Variants in GRID1 observed in about 807,000 individuals in gnomAD.
The protein encoded by GRID1 is glutamate receptor ionotropic, delta-1.
Under a neutral mutation model 98.0 loss-of-function variants are expected in GRID1, and 28 were observed. The ratio of observed to expected loss-of-function variants is 0.29; its 90% CI spans 0.21 to 0.39. The LOEUF (loss-of-function observed/expected upper bound fraction) is 0.39, where lower values mean the gene tolerates loss of function less well. Ranked by LOEUF, GRID1 falls within the 10% of genes least tolerant of loss-of-function variation. GRID1 has a pLI of 1.00. For missense variants in GRID1, 1,111 were observed against 1,340.5 expected (o/e 0.83, Z 2.67); for synonymous variants, 553 against 538.5 (o/e 1.03, Z -0.37).
At chr10:85,990,351 T>G (rs1029217849) in intron 4 of GRID1, among the ~76,000 whole-genome samples, 2 of 152,170 alleles carry the variant, frequency 1.3e-5, no homozygotes, top group Admixed American at 6.5e-5. Context: ...ATCAGTGGCC[T>G]AACAGATGCA....
Position 85,724,689 on chromosome 10 carries a change from G to T in GRID1, c.1534-13C>A. On this transcript the variant is annotated splice_polypyrimidine_tract_variant and intron_variant, in intron 10 of 15. Coordinates refer to ENST00000327946, the MANE Select transcript of GRID1 (RefSeq NM_017551.3). ...CCAAGTCTGCTCTCTGAAAGGCAAA[G>T]CCATCTCATTTAGACGGCAGTCCTC... 1 of 1,600,240 alleles carries T rather than the reference G, an allele frequency of 6.2e-7. No individual in the cohort carries two copies.
rs980993228 is a variant in GRID1 at position 85,816,340 on chromosome 10, G to A, written c.1233+38156C>T. ...ACATCCAATGATGGAATACTATTTA[G>A]CAAGAAAATGAAGAAACAAATTACA... On this transcript the variant is annotated intron_variant, in intron 8 of 15. Coordinates refer to ENST00000327946, the MANE Select transcript of GRID1 (RefSeq NM_017551.3). Among the ~76,000 whole-genome samples, 3 of 152,138 alleles carry A rather than the reference G, an allele frequency of 2.0e-5. No homozygotes were observed. The East Asian group carries it at 5.8e-4, about 29-fold the overall frequency.
At position 85,610,096 on chromosome 10, in the gene GRID1, C is replaced by T. The variant is rs539631244; in HGVS notation, c.2601+3311G>A. Among the ~76,000 whole-genome samples, 23 of 152,324 alleles carry T rather than the reference C, an allele frequency of 1.5e-4. No individual in the cohort carries two copies. In the South Asian group the frequency reaches 4.8e-3, roughly 32 times the overall value. On this transcript the variant is annotated intron_variant, in intron 15 of 15. Transcript: ENST00000327946. ...TCCACCCAAAGACAGGTTTCTGGCT[C>T]TTAAGAAATATGGCCAATGCCTCAA...
At chr10:85,732,624 C>G (rs1326565864) in intron 8 of GRID1, among the ~76,000 whole-genome samples, 1 of 152,160 alleles carries the variant, frequency 6.6e-6, no homozygotes, top group Non-Finnish European at 1.5e-5. Flanking sequence ...CCCCCTAGAC[C>G]TTTGCAACAG....
At chr10:86,044,081 C>T (rs914869438) in intron 4 of GRID1, among the ~76,000 whole-genome samples, 1 of 152,154 alleles carries the variant, frequency 6.6e-6, no homozygotes, top group African/African-American at 2.4e-5. Context: ...AGATATTTTA[C>T]CAAGCCCCCA....
At chr10:86,231,096 C>T (rs183124038) in intron 2 of GRID1, among the ~76,000 whole-genome samples, 149 of 152,306 alleles carry the variant, frequency 9.8e-4, no homozygotes, top group Non-Finnish European at 1.7e-3. Context: ...TGGCCAGGGA[C>T]GGAGGGAGAA....
At chr10:86,223,416 C>G (rs1846290133) in intron 2 of GRID1, among the ~76,000 whole-genome samples, 1 of 152,212 alleles carries the variant, frequency 6.6e-6, no homozygotes, top group Non-Finnish European at 1.5e-5. Flanking sequence ...CTCCAAATGC[C>G]CTGCCTGGCA....
At chr10:85,860,755 G>A (rs1428341373) in intron 6 of GRID1, among the ~76,000 whole-genome samples, 2 of 152,216 alleles carry the variant, frequency 1.3e-5, no homozygotes, top group African/African-American at 4.8e-5. Flanking sequence ...GATACAGCAA[G>A]CACTCAATAA....
rs200725038 is a variant in GRID1, at chr10:86,077,352, A to G, written c.726+61467T>C. The stretch of plus-strand genomic sequence containing the variant: ...GCCCTTCCTGATCTGGTCACCACCA[A>G]GTCTTCCAACAAACCTTCTGATTCA... On this transcript the variant is annotated intron_variant, in intron 4 of 15. Coordinates refer to ENST00000327946, the MANE Select transcript of GRID1 (RefSeq NM_017551.3). Among the ~76,000 whole-genome samples, 3 of 152,308 alleles carry G rather than the reference A, an allele frequency of 2.0e-5. No individual in the cohort carries two copies. The South Asian group carries it at 6.2e-4, about 32-fold the overall frequency.
intron 8 of GRID1, among the ~76,000 whole-genome samples, chr10:85,768,096 C>T (rs756932245): frequency 2.0e-5 from 3 of 152,112 alleles, no homozygotes; most frequent in Non-Finnish European, 4.4e-5. Context: ...CAGGAAATCC[C>T]GAGCTAAAAT....
chr10:85,618,613 C>A (rs545679585), intron 14 of GRID1, among the ~76,000 whole-genome samples: 1 of 152,334 alleles, frequency 6.6e-6, no homozygotes, highest in Non-Finnish European at 1.5e-5. Context: ...TAGCCCTACT[C>A]TTTTCCTTAG....
At chr10:85,651,210 T>C (rs966372462) in intron 12 of GRID1, among the ~76,000 whole-genome samples, 15 of 152,252 alleles carry the variant, frequency 9.9e-5, no homozygotes, top group African/African-American at 3.6e-4. Flanking sequence ...ATCACAGACA[T>C]ATACCTGGTA....
chr10:85,618,960 T>C (rs1842824595), intron 14 of GRID1, among the ~76,000 whole-genome samples: 1 of 152,216 alleles, frequency 6.6e-6, no homozygotes, highest in Non-Finnish European at 1.5e-5. Flanking sequence ...CATGCATTAA[T>C]CAGTCAATGA....
At chr10:85,799,375 A>AG (rs1364110877) in intron 8 of GRID1, among the ~76,000 whole-genome samples, 1 of 152,150 alleles carries the variant, frequency 6.6e-6, no homozygotes, top group African/African-American at 2.4e-5. Context: ...CTATATATGA[A>AG]AAATGATTAT....
chr10:85,907,005 A>T (rs974702873), intron 5 of GRID1, among the ~76,000 whole-genome samples: 8 of 152,348 alleles, frequency 5.3e-5, no homozygotes, highest in African/African-American at 1.9e-4. Context: ...GAAAAGAGAC[A>T]AGTAATGAAT....
intron 2 of GRID1, among the ~76,000 whole-genome samples, chr10:86,354,807 C>T (rs1005054641): frequency 1.3e-5 from 2 of 152,166 alleles, no homozygotes; most frequent in African/African-American, 4.8e-5. Context: ...AATACCGTGC[C>T]GTGACAGGCC....
intron 5 of GRID1, among the ~76,000 whole-genome samples, chr10:85,893,245 G>A (rs1296178370): frequency 6.6e-6 from 1 of 152,198 alleles, no homozygotes; most frequent in East Asian, 1.9e-4. Context: ...ACATGATAAA[G>A]GATATCAACA....
At chr10:86,240,995 G>C (rs1846619813) in intron 2 of GRID1, among the ~76,000 whole-genome samples, 1 of 152,174 alleles carries the variant, frequency 6.6e-6, no homozygotes, top group South Asian at 2.1e-4. Flanking sequence ...AGCCTGAATG[G>C]ACACTGCCTC....
chr10:85,964,338 T>A (rs371477481), intron 4 of GRID1, among the ~76,000 whole-genome samples: 5 of 151,740 alleles, frequency 3.3e-5, no homozygotes, highest in African/African-American at 1.2e-4. Flanking sequence ...GCCAAGACAA[T>A]CCTAAGCAAA....
Sources: gnomAD v4.1 joint callset for allele counts (sites outside exome capture counted in the v4.1 genomes callset) on GRCh38, gnomAD v4.1.1 for gene constraint, MANE v1.5 for transcripts, NCBI Gene and HGNC (gene_info 2026-07-23, HGNC 2026-07-21) for gene names.